Variants in CFAP161 observed in about 807,000 individuals in gnomAD.
CFAP161 encodes cilia- and flagella-associated protein 161.
Under a neutral mutation model 29.0 loss-of-function variants are expected in CFAP161, and 25 were observed. That is an observed-to-expected ratio of 0.86 (90% confidence interval 0.63 to 1.20). The LOEUF is 1.20. Ranked by LOEUF, CFAP161 falls within the 50% of genes most tolerant of loss-of-function variation. CFAP161 has a pLI of 0.00. For synonymous variants in CFAP161, 116 were observed against 137.4 expected, an observed-to-expected ratio of 0.84 and a Z score of 1.09; for missense variants, 367 against 371.9, an observed-to-expected ratio of 0.99 and a Z score of 0.11.
At chr15:81,113,882 G>A (rs8035711) in intron 1 of CFAP161, among the ~76,000 whole-genome samples, 2,056 of 152,286 alleles carry the variant, frequency 0.014, 37 homozygotes, top group African/African-American at 0.044. Context: ...GTCCCATCAC[G>A]AGGCTATCTA....
At chr15:81,117,929 G>T in intron 1 of CFAP161, 1 of 434,566 alleles carries the variant, frequency 2.3e-6, no homozygotes, top group Non-Finnish European at 4.3e-6. Context: ...TCTGAGTCAG[G>T]GGCTTCCTGG....
intron 1 of CFAP161, among the ~76,000 whole-genome samples, chr15:81,126,147 G>A (rs985099596): frequency 1.3e-5 from 2 of 152,176 alleles, no homozygotes; most frequent in African/African-American, 4.8e-5. Context: ...GGGATTACAG[G>A]CGCGAGCCAC....
intron 1 of CFAP161, among the ~76,000 whole-genome samples, chr15:81,111,842 G>A (rs573669720): frequency 6.6e-6 from 1 of 152,298 alleles, no homozygotes; most frequent in African/African-American, 2.4e-5. Context: ...CTGAGTCATT[G>A]TTCCTTAAAT....
chr15:81,109,007 C>G (rs1894407814), intron 1 of CFAP161, among the ~76,000 whole-genome samples: 2 of 152,066 alleles, frequency 1.3e-5, no homozygotes, highest in Non-Finnish European at 1.5e-5. Context: ...TTGAAACTCT[C>G]ACAAAATTGC....
chr15:81,118,205 G>C, intron 1 of CFAP161: 1 of 476,734 alleles, frequency 2.1e-6, no homozygotes, highest in Non-Finnish European at 3.9e-6. Context: ...TTCAATTTAG[G>C]CAGCTTGGGG....
intron 1 of CFAP161, among the ~76,000 whole-genome samples, chr15:81,114,168 G>A (rs955872267): frequency 1.3e-5 from 2 of 152,150 alleles, no homozygotes; most frequent in Non-Finnish European, 2.9e-5. Context: ...CAGAGATAAC[G>A]TGGGTTTGTT....
chr15:81,114,202 A>G (rs115707012), intron 1 of CFAP161, among the ~76,000 whole-genome samples: 2 of 152,344 alleles, frequency 1.3e-5, no homozygotes, highest in African/African-American at 4.8e-5. Flanking sequence ...ACTGAAGCAT[A>G]TATTGCATTA....
chr15:81,122,236 C>T (rs905431291), intron 1 of CFAP161, among the ~76,000 whole-genome samples: 2 of 152,066 alleles, frequency 1.3e-5, no homozygotes, highest in African/African-American at 2.4e-5. Flanking sequence ...CCCAGTAATG[C>T]GATTGCTGGG....
At chr15:81,135,226 A>C (rs1454352387) in intron 1 of CFAP161, 44 bp from the exon 2 acceptor site, 5 of 1,197,630 alleles carry the variant, frequency 4.2e-6, no homozygotes, top group East Asian at 2.4e-5. Flanking sequence ...ATTAATACTA[A>C]CATCTATATT....
chr15:81,107,901 C>G (rs1443042157), intron 1 of CFAP161, among the ~76,000 whole-genome samples: 1 of 151,768 alleles, frequency 6.6e-6, no homozygotes, highest in East Asian at 1.9e-4. Flanking sequence ...TTTTCTTTCT[C>G]CTTTCCTCCC....
chr15:81,119,962 G>A (rs12905420), intron 1 of CFAP161, among the ~76,000 whole-genome samples: 4,895 of 152,112 alleles, frequency 0.032, 118 homozygotes, highest in Non-Finnish European at 0.049. Context: ...TTATTATCCA[G>A]AGTGATAAAA....
chr15:81,115,975 G>GA (rs1894493032), intron 1 of CFAP161, among the ~76,000 whole-genome samples: 1 of 151,486 alleles, frequency 6.6e-6, no homozygotes, highest in Non-Finnish European at 1.5e-5. Context: ...TTAATTGAAT[G>GA]AATCAAATGA....
chr15:81,126,910 T>C (rs1894648329), intron 1 of CFAP161, among the ~76,000 whole-genome samples: 1 of 152,150 alleles, frequency 6.6e-6, no homozygotes, highest in Non-Finnish European at 1.5e-5. Flanking sequence ...GTCAGCAAAT[T>C]CAAAGTAGGT....
In CFAP161 at chr15:81,136,578, T is replaced by C. The variant is rs1817344337; in HGVS notation, c.222T>C (p.Asn74=). 1 of 1,614,066 alleles carries C rather than the reference T, an allele frequency of 6.2e-7. No homozygotes were observed. Among genetic ancestry groups the C allele is most frequent in the Non-Finnish European group, 8.5e-7 (1 of 1,180,038 alleles). The part of the protein sequence containing the change: ...IHYGDKVMLV[N]PDDPDTEADV... ...ACGGTGACAAAGTGATGCTTGTGAA[T>C]CCTGATGATCCTGACACAGAAGCTG... The change falls in exon 3 of 7, where the codon AAT becomes AAC. Residue 74 remains asparagine, a synonymous_variant. Transcript: ENST00000286732.
intron 1 of CFAP161, among the ~76,000 whole-genome samples, chr15:81,102,260 G>A (rs1331808849): frequency 2.6e-5 from 4 of 152,166 alleles, no homozygotes; most frequent in East Asian, 1.9e-4. Context: ...GTCTGAGAAC[G>A]TATCAGGACC....
chr15:81,117,437 G>A (rs1008063197), intron 1 of CFAP161, among the ~76,000 whole-genome samples: 2 of 152,048 alleles, frequency 1.3e-5, no homozygotes, highest in African/African-American at 4.8e-5. Flanking sequence ...CCCTAAGCTC[G>A]GTGGTAGATT....
At chr15:81,126,478 C>T (rs2141872032) in intron 1 of CFAP161, among the ~76,000 whole-genome samples, 1 of 152,236 alleles carries the variant, frequency 6.6e-6, no homozygotes, top group South Asian at 2.1e-4. Flanking sequence ...ATTTGCTGAT[C>T]TGGTTTACTT....
intron 1 of CFAP161, among the ~76,000 whole-genome samples, chr15:81,113,380 A>T (rs1894460842): frequency 6.6e-6 from 1 of 152,112 alleles, no homozygotes; most frequent in Non-Finnish European, 1.5e-5. Flanking sequence ...ATTAAATTCC[A>T]CTCTGACATT....
chr15:81,143,539 G>GT, intron 4 of CFAP161, 123 bp from the exon 5 acceptor site: 2 of 1,123,686 alleles, frequency 1.8e-6, no homozygotes, highest in Non-Finnish European at 2.6e-6. Flanking sequence ...CATACAATCA[G>GT]TAAGAACAGA....
Sources: gnomAD v4.1 joint callset for allele counts (sites outside exome capture counted in the v4.1 genomes callset) on GRCh38, gnomAD v4.1.1 for gene constraint, MANE v1.5 for transcripts, NCBI Gene and HGNC (gene_info 2026-07-23, HGNC 2026-07-21) for gene names.